The following CUBN variants were observed in gnomAD, a reference collection of about 807,000 sequenced individuals.
CUBN encodes cubilin.
CUBN carries 282 observed loss-of-function variants against 405.3 expected under a neutral mutation model. The observed-to-expected ratio is 0.70, with a 90% CI of 0.63 to 0.77. The LOEUF (loss-of-function observed/expected upper bound fraction) is 0.77, where lower values mean the gene tolerates loss of function less well. Among genes scored for constraint, CUBN ranks in the 30% least tolerant of loss-of-function variants. The pLI is 0.00. For synonymous variants in CUBN, 1,684 were observed against 1,617.0 expected (o/e 1.04, Z -0.99); for missense variants, 4,514 against 4,475.2 (o/e 1.01, Z -0.25).
chr10:17,041,685 A>C (rs1241402592), intron 26 of CUBN, among the ~76,000 whole-genome samples: 9 of 152,068 alleles, frequency 5.9e-5, no homozygotes, highest in Non-Finnish European at 1.3e-4. Flanking sequence ...AAAACCCAAA[A>C]TCCTATGGGA....
intron 56 of CUBN, among the ~76,000 whole-genome samples, chr10:16,881,402 A>G (rs1259374189): frequency 1.3e-5 from 2 of 152,260 alleles, no homozygotes; most frequent in Non-Finnish European, 2.9e-5. Flanking sequence ...TGAAATACAG[A>G]AAGTTCATTC....
chr10:17,017,155 G>C (rs1834348712), intron 28 of CUBN, among the ~76,000 whole-genome samples: 1 of 152,036 alleles, frequency 6.6e-6, no homozygotes, highest in African/African-American at 2.4e-5. Context: ...CCGTGCTTTT[G>C]GTTTGTTTTG....
At chr10:16,980,846 T>G (rs1040709759) in intron 31 of CUBN, among the ~76,000 whole-genome samples, 1 of 149,716 alleles carries the variant, frequency 6.7e-6, no homozygotes, top group Admixed American at 6.7e-5. Flanking sequence ...ATAATAATAA[T>G]AACAATAATA....
chr10:16,940,152 G>T lies in CUBN; in HGVS notation c.5428C>A (p.Arg1810=). The part of the protein sequence containing the change: ...EGNATGHLVG[R]YCGNSFPLNY... ...AGAGGGAAGGAGTTTCCACAGTATC[G>T]TCCCACCAAGTGACCCGTGGCATTT... Residue 1810 remains arginine, a synonymous_variant, in exon 37 of 67, where the codon CGA becomes AGA. Coordinates refer to ENST00000377833, the MANE Select transcript of CUBN (RefSeq NM_001081.4). 6.2e-7 allele frequency: 1 copy of T among 1,614,030 alleles called. No individual in the cohort carries two copies. The highest frequency in any genetic ancestry group is 8.5e-7 in the Non-Finnish European group (1 of 1,179,908).
intron 14 of CUBN, among the ~76,000 whole-genome samples, chr10:17,094,413 T>C (rs1352805670): frequency 6.6e-6 from 1 of 152,080 alleles, no homozygotes; most frequent in Non-Finnish European, 1.5e-5. Context: ...AATATTAAAA[T>C]ATGTTCTTCA....
intron 31 of CUBN, among the ~76,000 whole-genome samples, chr10:16,977,868 A>T: frequency 6.6e-6 from 1 of 152,192 alleles, no homozygotes; most frequent in East Asian, 1.9e-4. Flanking sequence ...AACAGATGAG[A>T]CACACCCCTG....
chr10:17,018,569 T>C (rs961004653), intron 28 of CUBN, among the ~76,000 whole-genome samples: 8 of 152,034 alleles, frequency 5.3e-5, no homozygotes, highest in Non-Finnish European at 1.0e-4. Context: ...CAAGATTCAT[T>C]GTGAAGAGTG....
At chr10:16,825,310 G>A (rs756296485) in intron 66 of CUBN, among the ~76,000 whole-genome samples, 9 of 152,060 alleles carry the variant, frequency 5.9e-5, no homozygotes, top group Non-Finnish European at 1.2e-4. Context: ...CTGCAAATGG[G>A]TACTGGGTTT....
At chr10:16,931,665 T>C (rs564818702) in intron 40 of CUBN, among the ~76,000 whole-genome samples, 53 of 152,306 alleles carry the variant, frequency 3.5e-4, no homozygotes, top group Non-Finnish European at 6.6e-4. Flanking sequence ...ATTTATTACT[T>C]TCCTTAATCC....
At chr10:16,843,026 AT>A (rs1207160162) in intron 60 of CUBN, among the ~76,000 whole-genome samples, 2 of 151,996 alleles carry the variant, frequency 1.3e-5, no homozygotes, top group Non-Finnish European at 2.9e-5. Flanking sequence ...ATCCTGTTTT[AT>A]TTTCCTATTA....
chr10:17,048,057 G>A (rs190837669), intron 22 of CUBN, among the ~76,000 whole-genome samples: 210 of 152,326 alleles, frequency 1.4e-3, no homozygotes, highest in African/African-American at 4.8e-3. Flanking sequence ...CCAGGCTCAA[G>A]GATCAGAGTG....
At position 16,937,903 on chromosome 10, in the gene CUBN, G is replaced by A. The variant is rs1332302005; in HGVS notation, c.5734-119C>T. On this transcript the variant is annotated intron_variant, in intron 38 of 66. Transcript: ENST00000377833. Reference sequence around the variant, plus strand: ...TTATCATAACAAAAAAATGACAAATGAGTAAACATTTAATTTTAGCTTAAA... The same window carrying A: ...TTATCATAACAAAAAAATGACAAATAAGTAAACATTTAATTTTAGCTTAAA... The A allele has an allele frequency of 1.9e-5, 16 of 850,486 alleles. No homozygotes were observed. In the Admixed American group the frequency reaches 3.6e-4, roughly 19 times the overall value. The allele number at this position is 850,486 out of a possible 1,614,324, so 52.7% of individuals were successfully genotyped here. A position where few individuals can be genotyped will look rare whatever the true frequency, so the allele number is the denominator to read the frequency against.
rs541997148 is a variant in CUBN, at chr10:17,123,660, A to T, written c.417T>A (p.Asn139Lys). ...QTVDKKVCSS[N>K]PCQNGGTCLN... ...GGCAGGTTCCACCATTCTGGCAAGGATTGCTGCTGCAAACCTTTTTGTCAA... is the reference window on the plus strand; with the variant it reads ...GGCAGGTTCCACCATTCTGGCAAGGTTTGCTGCTGCAAACCTTTTTGTCAA... Residue 139 changes from asparagine (N) to lysine (K), a missense_variant, in exon 5 of 67, where the codon AAT becomes AAA. By Grantham distance (94) the Asn-to-Lys change is moderately conservative. Coordinates refer to ENST00000377833, the MANE Select transcript of CUBN (RefSeq NM_001081.4). 4 of 1,613,968 alleles carry T rather than the reference A, an allele frequency of 2.5e-6. No homozygotes were observed. The East Asian group carries it at 8.9e-5, about 36-fold the overall frequency.
rs560388576 is a variant in CUBN at position 16,988,067 on chromosome 10, C to T, written c.4350+2267G>A. On this transcript the variant is annotated intron_variant, in intron 29 of 66. Transcript: ENST00000377833. ...CGCTTCTGCCTGGAGTCCCTGATTT[C>T]GTCCCTGAGGCCCCAGGCCTGCTTG... Among the ~76,000 whole-genome samples the T allele has an allele frequency of 5.4e-3, 816 of 152,274 alleles. 1 individual carries two copies. The highest frequency in any genetic ancestry group is 8.9e-3 in the Non-Finnish European group (603 of 68,012).
At chr10:17,124,160 C>T (rs1427109404) in intron 4 of CUBN, among the ~76,000 whole-genome samples, 1 of 152,214 alleles carries the variant, frequency 6.6e-6, no homozygotes, top group African/African-American at 2.4e-5. Context: ...GCTGCCCCTC[C>T]TCCCATGGGT....
At chr10:16,880,274 T>G (rs1187444391) in intron 56 of CUBN, among the ~76,000 whole-genome samples, 1 of 152,204 alleles carries the variant, frequency 6.6e-6, no homozygotes, top group East Asian at 1.9e-4. Flanking sequence ...TGACCATGGT[T>G]GATTGATTGA....
intron 17 of CUBN, 150 bp downstream of exon 17, chr10:17,084,121 G>A: frequency 1.4e-6 from 1 of 739,564 alleles, no homozygotes; most frequent in Admixed American, 2.1e-5. Flanking sequence ...CTGCACCTTA[G>A]TCATTAGAGC....
At chr10:16,977,149 T>A (rs1474200265) in intron 31 of CUBN, among the ~76,000 whole-genome samples, 1 of 152,136 alleles carries the variant, frequency 6.6e-6, no homozygotes, top group African/African-American at 2.4e-5. Flanking sequence ...GTGTTGGTGA[T>A]ACACACAGGA....
intron 14 of CUBN, among the ~76,000 whole-genome samples, chr10:17,096,394 T>G (rs1043045335): frequency 1.3e-5 from 2 of 152,118 alleles, no homozygotes; most frequent in African/African-American, 4.8e-5. Context: ...CATTACATTG[T>G]ACATCTTAAA....
Sources: gnomAD v4.1 joint callset for allele counts (sites outside exome capture counted in the v4.1 genomes callset) on GRCh38, gnomAD v4.1.1 for gene constraint, MANE v1.5 for transcripts, NCBI Gene and HGNC (gene_info 2026-07-23, HGNC 2026-07-21) for gene names.